PARL: variants seen among roughly 807,000 people sequenced by gnomAD.
PARL encodes the protein presenilin-associated rhomboid-like protein, mitochondrial.
PARL carries 44 observed loss-of-function variants against 51.6 expected under a neutral mutation model. The observed-to-expected ratio is 0.85, with a 90% CI of 0.67 to 1.10. The LOEUF (loss-of-function observed/expected upper bound fraction) is 1.10. Ranked by LOEUF, PARL falls within the 50% of genes least tolerant of loss-of-function variation. PARL has a pLI of 0.00. For missense variants in PARL, 441 were observed against 469.5 expected (o/e 0.94, Z 0.56); for synonymous variants, 172 against 164.0 (o/e 1.05, Z -0.37).
rs749724696 is a variant in PARL, at chr3:183,867,903, T to C, written c.283A>G (p.Ile95Val). The C allele has an allele frequency of 1.9e-6, 3 of 1,613,830 alleles. No individual in the cohort carries two copies. Among genetic ancestry groups the C allele is most frequent in the East Asian group, 2.2e-5 (1 of 44,872 alleles). ...ETVFYPSPYPIRSLIKPLFFT... is the reference protein window; with the variant it reads ...ETVFYPSPYPVRSLIKPLFFT... ...AATAAAGGTTTTATGAGACTCCTTA[T>C]AGGATAGGGAGAAGGATAAAAGACT... Residue 95 changes from isoleucine to valine, a missense_variant, in exon 2 of 10, where the codon ATA becomes GTA. Transcript: ENST00000317096.
At chr3:183,876,628 A>AG (rs1560433795) in intron 1 of PARL, among the ~76,000 whole-genome samples, 12 of 122,894 alleles carry the variant, frequency 9.8e-5, no homozygotes, top group Non-Finnish European at 1.5e-4. Context: ...AAAAAAAAAA[A>AG]AAAAAAAAAA....
At chr3:183,861,395 T>G (rs1415455577) in intron 4 of PARL, 2 of 164,678 alleles carry the variant, frequency 1.2e-5, no homozygotes, top group Non-Finnish European at 2.5e-5. Context: ...GTCCTCCAGA[T>G]GCTTATACTG....
chr3:183,849,622 A>C (rs1351152117), intron 4 of PARL, among the ~76,000 whole-genome samples: 5 of 152,138 alleles, frequency 3.3e-5, no homozygotes, highest in Non-Finnish European at 7.4e-5. Context: ...AAACCAAAGG[A>C]AGCAGAAGGA....
chr3:183,884,548 G>A (rs1463018947), intron 1 of PARL, among the ~76,000 whole-genome samples, 174 bp downstream of exon 1: 1 of 152,196 alleles, frequency 6.6e-6, no homozygotes, highest in Non-Finnish European at 1.5e-5. Flanking sequence ...GCTGGGCAAG[G>A]GGAGCGAGAA....
chr3:183,867,475 C>T (rs562867642), intron 2 of PARL, among the ~76,000 whole-genome samples: 164 of 152,006 alleles, frequency 1.1e-3, no homozygotes, highest in African/African-American at 3.7e-3. Context: ...CCAAGGCGGG[C>T]GGATCATGAG....
chr3:183,858,472 C>T lies in PARL; in HGVS notation c.511+4281G>A, dbSNP rs915555942. Among the ~76,000 whole-genome samples the T allele has an allele frequency of 2.5e-4, 38 of 152,196 alleles. 1 individual carries two copies. Among genetic ancestry groups the T allele is most frequent in the Admixed American group, 1.3e-3 (20 of 15,274 alleles). On this transcript the variant is annotated intron_variant, in intron 4 of 9. Transcript: ENST00000317096. ...AAAAAATACACTAGTAGAGGAACTA[C>T]GGCACAGTTTTCTTGCGATCTCTCT...
Position 183,840,591 on chromosome 3 carries a change from T to A in PARL, c.807A>T (p.Arg269Ser). The A allele has an allele frequency of 1.3e-6, 2 of 1,547,630 alleles. No individual in the cohort carries two copies. The highest frequency in any genetic ancestry group is 1.8e-6 in the Non-Finnish European group (2 of 1,125,960). Residue 269 changes from arginine to serine, a missense_variant, in exon 7 of 10, where the codon AGA (arginine) becomes AGT (serine). Physicochemically the swap from Arg to Ser is moderately radical, Grantham distance 110 (BLOSUM62 -1). Transcript: ENST00000317096. ...TTACTGCACCAAGTGATGGTCCATA[T>A]CTTCCTGTGGCAACTTTACCCACGT... is the stretch of plus-strand genomic sequence containing the variant. ...VSYVGKVATG[R>S]YGPSLGASGA...
intron 4 of PARL, among the ~76,000 whole-genome samples, chr3:183,860,169 A>G (rs937229583): frequency 8.5e-5 from 13 of 152,200 alleles, no homozygotes; most frequent in African/African-American, 3.1e-4. Flanking sequence ...AGCTGAGCCA[A>G]CTTCACTTTG....
In PARL at chr3:183,829,626, C is replaced by A. The variant is rs145909542; in HGVS notation, c.1112G>T (p.Gly371Val). The change falls in exon 10 of 10, where the codon GGC becomes GTC. Residue 371 changes from glycine to valine, a missense_variant. Physicochemically the swap from Gly to Val is moderately radical, Grantham distance 109. Transcript: ENST00000317096. ...VKIWHEIRTNGPKKGGGSK is the reference protein window; with the variant it reads ...VKIWHEIRTNVPKKGGGSK ...CTTAGAGCCACCTCCTTTTTTGGGG[C>A]CATTAGTCCTTATTTCATGCCAGAT... is the stretch of plus-strand genomic sequence containing the variant. 339 of 1,614,084 alleles carry A rather than the reference C, an allele frequency of 2.1e-4. 2 individuals are homozygous for A. In the East Asian group the frequency reaches 7.5e-3, roughly 36 times the overall value.
At chr3:183,847,289 T>C (rs946196771) in intron 4 of PARL, among the ~76,000 whole-genome samples, 2 of 152,188 alleles carry the variant, frequency 1.3e-5, no homozygotes, top group Non-Finnish European at 2.9e-5. Flanking sequence ...CCGGGTGTGG[T>C]GGCTCACGCC....
chr3:183,844,132 G>C (rs1729669558), intron 5 of PARL, 99 bp downstream of exon 5: 1 of 847,450 alleles, frequency 1.2e-6, no homozygotes, highest in African/African-American at 1.7e-5. Flanking sequence ...TGTAGCTATT[G>C]ATAGGTAATT....
chr3:183,833,593 A>C lies in PARL; in HGVS notation c.931-4T>G. 6.2e-7 allele frequency: 1 copy of C among 1,606,766 alleles called. No homozygotes were observed. The highest frequency in any genetic ancestry group is 8.5e-7 in the Non-Finnish European group (1 of 1,173,244). ...TGGCGATAATGGCTTTCAGGGCCTG[A>C]AAGGCAGCAAGAAACAAGCGGCACA... On this transcript the variant is annotated splice_region_variant and splice_polypyrimidine_tract_variant and intron_variant, in intron 8 of 9. Transcript: ENST00000317096.
Position 183,862,797 on chromosome 3 carries a change from T to C in PARL, c.467A>G (p.Asn156Ser). ...QKEGDFRKEI[N>S]KWWNNLSDGQ... ...ATCACTTAGGTTATTCCACCACTTGTTAATCTAAAACAGACAGAAAATTGC... is the reference window on the plus strand; with the variant it reads ...ATCACTTAGGTTATTCCACCACTTGCTAATCTAAAACAGACAGAAAATTGC... The change falls in exon 4 of 10, where the codon AAC becomes AGC. Residue 156 changes from asparagine (N) to serine (S), a missense_variant. Transcript: ENST00000317096. The C allele has an allele frequency of 6.2e-7, 1 of 1,612,986 alleles. No homozygotes were observed. The highest frequency in any genetic ancestry group is 1.1e-5 in the South Asian group (1 of 91,054).
intron 4 of PARL, among the ~76,000 whole-genome samples, chr3:183,855,354 T>C (rs1441497275): frequency 6.6e-6 from 1 of 152,190 alleles, no homozygotes; most frequent in Non-Finnish European, 1.5e-5. Context: ...CAGGCTGGTC[T>C]AGACTCAAGC....
intron 4 of PARL, chr3:183,856,556 A>T (rs940881774): frequency 6.6e-6 from 1 of 152,308 alleles, no homozygotes; most frequent in African/African-American, 2.4e-5. Context: ...AGCTACCTGG[A>T]ATCAAGAAGA....
intron 3 of PARL, among the ~76,000 whole-genome samples, chr3:183,863,773 C>G (rs1411592350): frequency 6.6e-6 from 1 of 152,082 alleles, no homozygotes; most frequent in Non-Finnish European, 1.5e-5. Context: ...TGTGTATGAA[C>G]TCCCAGAACT....
At chr3:183,869,087 C>T (rs1281672669) in intron 1 of PARL, among the ~76,000 whole-genome samples, 2 of 152,190 alleles carry the variant, frequency 1.3e-5, no homozygotes, top group Admixed American at 6.6e-5. Flanking sequence ...TTTCCTCTAC[C>T]CCATTCAAAC....
chr3:183,859,229 G>A (rs575307105), intron 4 of PARL, among the ~76,000 whole-genome samples: 35 of 151,980 alleles, frequency 2.3e-4, no homozygotes, highest in African/African-American at 7.5e-4. Flanking sequence ...CGTGAGCAGA[G>A]ATCACGCCAC....
At chr3:183,836,855 T>C (rs1314659710) in intron 7 of PARL, among the ~76,000 whole-genome samples, 1 of 152,124 alleles carries the variant, frequency 6.6e-6, no homozygotes, top group Non-Finnish European at 1.5e-5. Context: ...TTCTCACACC[T>C]CAGCCTGCCA....
Sources: allele counts gnomAD v4.1 joint callset (sites outside exome capture counted in the v4.1 genomes callset), GRCh38; gene constraint gnomAD v4.1.1; transcripts MANE v1.5; gene names NCBI Gene and HGNC (gene_info 2026-07-23, HGNC 2026-07-21).